The following CCND2 variants were observed in gnomAD, a reference collection of about 807,000 sequenced individuals.
The protein encoded by CCND2 is cyclin D2, also known as G1/S-specific cyclin-D2.
CCND2 carries 6 observed loss-of-function variants against 30.2 expected under a neutral mutation model. That is an observed-to-expected ratio of 0.20 (90% CI 0.11 to 0.39). CCND2 has a LOEUF of 0.39. CCND2 is among the 10% of genes least tolerant of loss of function. CCND2 has a pLI of 1.00. For missense variants in CCND2, 235 were observed against 373.4 expected, an observed-to-expected ratio of 0.63 and a Z score of 3.06; for synonymous variants, 150 against 153.1, an observed-to-expected ratio of 0.98 and a Z score of 0.15.
chr12:4,283,354 C>T (rs1486432939), intron 3 of CCND2, among the ~76,000 whole-genome samples: 2 of 152,148 alleles, frequency 1.3e-5, no homozygotes, highest in Non-Finnish European at 2.9e-5. Context: ...GGCTCTTCTC[C>T]CACTTCCGAC....
rs1213509552 is a variant in CCND2, at chr12:4,293,589, G to GA, written c.720+4600dup. ...TAGACACATTCTTAAATATTGCCCA[G>GA]AGAAGATTCCAGGATATCCCTTCCT... On this transcript the variant is annotated intron_variant, in intron 4 of 4. Coordinates refer to ENST00000261254, the MANE Select transcript of CCND2 (RefSeq NM_001759.4). The surrounding 1 kb of genome is among the most constrained non-coding windows in gnomAD (Gnocchi z 4.9). Among the ~76,000 whole-genome samples, 1 of 152,152 alleles carries GA rather than the reference G, an allele frequency of 6.6e-6. No individual in the cohort carries two copies. Among genetic ancestry groups the GA allele is most frequent in the African/African-American group, 2.4e-5 (1 of 41,418 alleles).
intron 2 of CCND2, among the ~76,000 whole-genome samples, chr12:4,277,463 C>A (rs1291535262): frequency 6.6e-6 from 1 of 152,184 alleles, no homozygotes; most frequent in Non-Finnish European, 1.5e-5. Flanking sequence ...AATTGGGAAC[C>A]AATTTGTTTT....
In CCND2 at chr12:4,285,125, T is replaced by G. The variant is rs1344743226; in HGVS notation, c.572-3717T>G. Reference sequence around the variant, plus strand: ...CATTATAGCACACCATCCTCTACTATCTAATGCATTGATGCCCAGCCTTAA... The same window carrying G: ...CATTATAGCACACCATCCTCTACTAGCTAATGCATTGATGCCCAGCCTTAA... On this transcript the variant is annotated intron_variant, in intron 3 of 4. Transcript: ENST00000261254. The surrounding 1 kb of genome is among the most constrained non-coding windows in gnomAD (Gnocchi z 4.1). 1.2e-5 allele frequency: 2 copies of G among 167,664 alleles called. No individual in the cohort carries two copies. Among genetic ancestry groups the G allele is most frequent in the African/African-American group, 2.4e-5 (1 of 41,714 alleles). 10.4% of individuals were successfully genotyped at this position (167,664 alleles called of 1,614,324 possible).
Position 4,274,278 on chromosome 12 carries a change from G to A in CCND2, c.195+43G>A, listed in dbSNP as rs750498163. 3.8e-6 allele frequency: 6 copies of A among 1,592,940 alleles called. No homozygotes were observed. The highest frequency in any genetic ancestry group is 1.1e-5 in the South Asian group (1 of 90,006). ...GCTCGCCAGGAGCCAGGACCCCTCC[G>A]GATGCTCGGGTCCCCGGCCGGAGCC... On this transcript the variant is annotated intron_variant, in intron 1 of 4. Coordinates refer to ENST00000261254, the MANE Select transcript of CCND2 (RefSeq NM_001759.4). This position sits in a 1 kb window ranked among gnomAD's most constrained non-coding sequence, Gnocchi z 7.7.
At position 4,303,763 on chromosome 12, in the gene CCND2, T is replaced by G. The variant is rs1864282297; in HGVS notation, c.*3754T>G. 1 of 233,404 alleles carries G rather than the reference T, an allele frequency of 4.3e-6. No individual in the cohort carries two copies. The highest frequency in any genetic ancestry group is 2.2e-5 in the African/African-American group (1 of 45,350). The allele number at this position is 233,404 out of a possible 1,614,324, so 14.5% of individuals were successfully genotyped here. A position where few individuals can be genotyped will look rare whatever the true frequency, so the allele number is the denominator to read the frequency against. On this transcript the variant is annotated 3_prime_UTR_variant, in exon 5 of 5. Transcript: ENST00000261254. This position sits in a 1 kb window ranked among gnomAD's most constrained non-coding sequence, Gnocchi z 4.6. ...GGCGAGCTCCTTGAAGAAGGGGCTG[T>G]TCTTCCAGGAGGCCTTATTTTGAAC...
chr12:4,276,845 C>G lies in CCND2; in HGVS notation c.411+625C>G, dbSNP rs1020896931. 6.6e-6 allele frequency among the ~76,000 whole-genome samples: 1 copy of G among 152,232 alleles called. No homozygotes were observed. Among genetic ancestry groups the G allele is most frequent in the African/African-American group, 2.4e-5 (1 of 41,458 alleles). On this transcript the variant is annotated intron_variant, in intron 2 of 4. Transcript: ENST00000261254. The surrounding 1 kb of genome is among the most constrained non-coding windows in gnomAD (Gnocchi z 4.8). Reference sequence around the variant, plus strand: ...ATCCTGTCTTATCTCTGCTTTTCTACCAGGGAACCTTTTTCCCACCTGATC... The same window carrying G: ...ATCCTGTCTTATCTCTGCTTTTCTAGCAGGGAACCTTTTTCCCACCTGATC...
chr12:4,275,911 G>T, intron 1 of CCND2, 94 bp from the exon 2 acceptor site: 94 of 745,198 alleles, frequency 1.3e-4, no homozygotes, highest in Middle Eastern at 5.1e-4. Flanking sequence ...AATTTTTTTT[G>T]TTTCGATAGA....
chr12:4,297,672 C>A (rs1413711474), intron 4 of CCND2: 1 of 193,002 alleles, frequency 5.2e-6, no homozygotes, highest in African/African-American at 2.3e-5. Flanking sequence ...AATGCTGCCA[C>A]ATGGTCCTTG....
chr12:4,284,447 G>T (rs1446830709), intron 3 of CCND2, among the ~76,000 whole-genome samples: 1 of 152,208 alleles, frequency 6.6e-6, no homozygotes, highest in Non-Finnish European at 1.5e-5. Flanking sequence ...TGGTTGGAGG[G>T]GAGCTGGAGC....
At chr12:4,289,099 C>T (rs1320058626) in intron 4 of CCND2, 109 bp downstream of exon 4, 4 of 1,133,188 alleles carry the variant, frequency 3.5e-6, no homozygotes, top group East Asian at 5.9e-5. Flanking sequence ...TGGTTTGTTT[C>T]CTAAGATCGA....
At chr12:4,281,498 C>T (rs974292209) in intron 3 of CCND2, among the ~76,000 whole-genome samples, 13 of 152,088 alleles carry the variant, frequency 8.5e-5, no homozygotes, top group African/African-American at 2.9e-4. Context: ...TTCCCCAACC[C>T]GAGCTGTTGC....
In CCND2 at chr12:4,280,635, ATTTTGTCTCC is replaced by A. The variant is rs1481219479; in HGVS notation, c.571+1717_571+1726del. Among the ~76,000 whole-genome samples the A allele has an allele frequency of 4.6e-3, 701 of 152,182 alleles. 12 individuals are homozygous for A. Among genetic ancestry groups the A allele is most frequent in the African/African-American group, 0.016 (678 of 41,512 alleles). ...GAGGTCAGTCCTCCAGTGACCTGTC[ATTTTGTCTCC>A]CAGGCTCGGCTGTCTCCTTCCTCTC... On this transcript the variant is annotated intron_variant, in intron 3 of 4. Coordinates refer to ENST00000261254, the MANE Select transcript of CCND2 (RefSeq NM_001759.4).
At position 4,282,522 on chromosome 12, in the gene CCND2, G is replaced by A. The variant is rs1388457905; in HGVS notation, c.571+3603G>A. Among the ~76,000 whole-genome samples, 4 of 152,166 alleles carry A rather than the reference G, an allele frequency of 2.6e-5. No individual in the cohort carries two copies. The highest frequency in any genetic ancestry group is 1.9e-4 in the East Asian group (1 of 5,202). On this transcript the variant is annotated intron_variant, in intron 3 of 4. Coordinates refer to ENST00000261254, the MANE Select transcript of CCND2 (RefSeq NM_001759.4). This position sits in a 1 kb window ranked among gnomAD's most constrained non-coding sequence, Gnocchi z 4.3. ...CCCTTGATCTAGAGTGGGAGATTTC[G>A]CCTTGATGGGTGCTGGGAAGGAAGA...
intron 4 of CCND2, among the ~76,000 whole-genome samples, chr12:4,298,121 A>C (rs1466768976): frequency 6.6e-6 from 1 of 152,240 alleles, no homozygotes; most frequent in Non-Finnish European, 1.5e-5. Context: ...GTATCATCTC[A>C]GTTGCCCTTT....
intron 4 of CCND2, 45 bp downstream of exon 4, chr12:4,289,035 C>T (rs2120561167): frequency 6.4e-7 from 1 of 1,552,022 alleles, no homozygotes; most frequent in East Asian, 2.3e-5. Flanking sequence ...TGTCTCTTCT[C>T]AGCTCAGGGA....
intron 3 of CCND2, among the ~76,000 whole-genome samples, chr12:4,281,853 C>G (rs963735561): frequency 6.6e-6 from 1 of 151,892 alleles, no homozygotes; most frequent in Non-Finnish European, 1.5e-5. Context: ...GGAGAGGAGC[C>G]CTCCTTCCTT....
intron 3 of CCND2, among the ~76,000 whole-genome samples, chr12:4,288,195 C>T (rs1324483450): frequency 6.6e-6 from 1 of 151,440 alleles, no homozygotes; most frequent in African/African-American, 2.4e-5. Context: ...CTCGCCCACT[C>T]CCTGCATTGC....
Position 4,300,371 on chromosome 12 carries a change from A to G in CCND2, c.*362A>G, listed in dbSNP as rs1440628256. ...AGAGGAGACTTTTTTTTTTCATGTTATGAGCTAGCACATACACCCCCTTGT... is the reference window on the plus strand; with the variant it reads ...AGAGGAGACTTTTTTTTTTCATGTTGTGAGCTAGCACATACACCCCCTTGT... On this transcript the variant is annotated 3_prime_UTR_variant, in exon 5 of 5. Transcript: ENST00000261254. The G allele has an allele frequency of 3.8e-6, 1 of 264,198 alleles. No homozygotes were observed. Among genetic ancestry groups the G allele is most frequent in the Non-Finnish European group, 7.3e-6 (1 of 136,326 alleles). The allele number at this position is 264,198 out of a possible 1,614,324, so 16.4% of individuals were successfully genotyped here.
At chr12:4,290,048 G>T (rs904371703) in intron 4 of CCND2, among the ~76,000 whole-genome samples, 1 of 152,228 alleles carries the variant, frequency 6.6e-6, no homozygotes, top group Non-Finnish European at 1.5e-5. Flanking sequence ...CCTCTGGATG[G>T]TCCGGGGGGA....
Sources: allele counts gnomAD v4.1 joint callset (sites outside exome capture counted in the v4.1 genomes callset), GRCh38; gene constraint gnomAD v4.1.1; non-coding constraint Gnocchi (gnomAD v3.1); transcripts MANE v1.5; gene names NCBI Gene and HGNC (gene_info 2026-07-23, HGNC 2026-07-21).